The following MAP1LC3A variants were observed in gnomAD, a reference collection of about 807,000 sequenced individuals.
MAP1LC3A encodes microtubule-associated protein 1 light chain 3 alpha.
A neutral mutation model predicts 15.2 loss-of-function variants in MAP1LC3A; 10 were observed. The observed-to-expected ratio is 0.66, with a 90% CI of 0.41 to 1.12. The LOEUF (loss-of-function observed/expected upper bound fraction) is 1.12, where lower values mean the gene tolerates loss of function less well. Among genes scored for constraint, MAP1LC3A ranks in the 50% most tolerant of loss-of-function variants. MAP1LC3A has a pLI of 0.00. For missense variants in MAP1LC3A, 138 were observed against 167.3 expected, an observed-to-expected ratio of 0.82 and a Z score of 0.97; for synonymous variants, 63 against 64.3, an observed-to-expected ratio of 0.98 and a Z score of 0.10.
At position 34,560,072 on chromosome 20, in the gene MAP1LC3A, G is replaced by A. The variant is rs796100038; in HGVS notation, c.*174G>A. ...TCTGCCCCTGGGTGGATCCTGGGCC[G>A]GTCGTGTTAGGGTTGTCCCTCTGGG... On this transcript the variant is annotated 3_prime_UTR_variant, in exon 4 of 4. Transcript: ENST00000360668. 1.6e-6 allele frequency: 1 copy of A among 619,452 alleles called. No homozygotes were observed. Among genetic ancestry groups the A allele is most frequent in the Non-Finnish European group, 2.7e-6 (1 of 365,732 alleles). 38.4% of individuals were successfully genotyped at this position (619,452 alleles called of 1,614,324 possible). A position where few individuals can be genotyped will look rare whatever the true frequency, so the allele number is the denominator to read the frequency against.
chr20:34,558,760 G>T lies in MAP1LC3A; in HGVS notation c.-109G>T. ...CAGCCGCAGCCGCCGTGCTCAGCGC[G>T]AGCCCCGGAGCCCTTGAGCGCGAGG... On this transcript the variant is annotated 5_prime_UTR_variant, in exon 1 of 4. Transcript: ENST00000360668. This position sits in a 1 kb window ranked among gnomAD's most constrained non-coding sequence, Gnocchi z 4.3. The T allele has an allele frequency of 3.8e-6, 5 of 1,328,384 alleles. No homozygotes were observed. Among genetic ancestry groups the T allele is most frequent in the South Asian group, 2.0e-5 (1 of 49,312 alleles). 82.3% of individuals were successfully genotyped at this position (1,328,384 alleles called of 1,614,324 possible).
At chr20:34,551,467 C>CTTTTTTTTT (rs58191574) in intron 2 of MAP1LC3A, among the ~76,000 whole-genome samples, 2 of 104,812 alleles carry the variant, frequency 1.9e-5, no homozygotes, top group Admixed American at 1.2e-4. Context: ...GAACGCTGTC[C>CTTTTTTTTT]TTTTTTTTTT....
upstream of MAP1LC3A, among the ~76,000 whole-genome samples, chr20:34,554,949 C>G (rs1356990425): frequency 6.6e-6 from 1 of 151,088 alleles, no homozygotes; most frequent in Non-Finnish European, 1.5e-5. Flanking sequence ...CTCAAGTGAT[C>G]TGCCTGCCTT....
At chr20:34,553,229 A>C (rs1368996973) in intron 2 of MAP1LC3A, among the ~76,000 whole-genome samples, 2 of 152,150 alleles carry the variant, frequency 1.3e-5, no homozygotes, top group Non-Finnish European at 2.9e-5. Flanking sequence ...TTTTGGCCTG[A>C]AAAGGGGAGA....
intron 1 of MAP1LC3A, among the ~76,000 whole-genome samples, chr20:34,549,004 C>A (rs995703697): frequency 6.6e-6 from 1 of 151,732 alleles, no homozygotes; most frequent in Non-Finnish European, 1.5e-5. Flanking sequence ...CCATGCCCGG[C>A]CCCACTTTGC....
intron 2 of MAP1LC3A, chr20:34,550,143 G>A (rs566808817): frequency 8.1e-6 from 8 of 985,838 alleles, no homozygotes; most frequent in Middle Eastern, 2.8e-4. Flanking sequence ...GTGCCAGGCC[G>A]GCCAAGGCCA....
intron 2 of MAP1LC3A, among the ~76,000 whole-genome samples, chr20:34,550,469 T>A (rs781030420): frequency 1.3e-5 from 2 of 152,170 alleles, no homozygotes; most frequent in Non-Finnish European, 2.9e-5. Context: ...TGTGCCACAC[T>A]CTAAGTCCTG....
intron 2 of MAP1LC3A, among the ~76,000 whole-genome samples, chr20:34,551,835 T>C (rs867392802): frequency 6.6e-6 from 1 of 152,058 alleles, no homozygotes; most frequent in Non-Finnish European, 1.5e-5. Context: ...AAGAGTACAC[T>C]TGACACCTCT....
At chr20:34,552,768 C>T (rs945427249) in intron 2 of MAP1LC3A, among the ~76,000 whole-genome samples, 4 of 152,214 alleles carry the variant, frequency 2.6e-5, no homozygotes, top group East Asian at 1.9e-4. Flanking sequence ...GTGGCAGTGG[C>T]GGCCGTGGTG....
chr20:34,548,139 GGA>G (rs1432067422), intron 1 of MAP1LC3A, among the ~76,000 whole-genome samples: 1 of 152,174 alleles, frequency 6.6e-6, no homozygotes, highest in African/African-American at 2.4e-5. Flanking sequence ...GGATGAGAAG[GGA>G]GGGGGCGATT....
intron 2 of MAP1LC3A, among the ~76,000 whole-genome samples, chr20:34,553,617 C>T (rs1982029373): frequency 2.0e-5 from 3 of 152,230 alleles, no homozygotes; most frequent in African/African-American, 7.2e-5. Context: ...TGACACACAG[C>T]TCTGGATCAA....
At chr20:34,554,354 GTTTTTTTTTTTTTTTTTTTTTTTTT>G (rs537779341), upstream of MAP1LC3A, among the ~76,000 whole-genome samples, 6 of 106,164 alleles carry the variant, frequency 5.7e-5, no homozygotes, top group Admixed American at 1.2e-4. Context: ...TATACGTTGG[GTTTTTTTTTTTTTTTTTTTTTTTTT>G]TTTTTTTTTT....
intron 1 of MAP1LC3A, among the ~76,000 whole-genome samples, chr20:34,547,296 T>G (rs961884359): frequency 6.6e-6 from 1 of 151,840 alleles, no homozygotes; most frequent in Non-Finnish European, 1.5e-5. Context: ...TTGGGACTTT[T>G]GGAAGTAATT....
chr20:34,548,938 TCAGGTGATC>T (rs925616120), intron 1 of MAP1LC3A, among the ~76,000 whole-genome samples: 5 of 152,214 alleles, frequency 3.3e-5, no homozygotes, highest in Admixed American at 3.3e-4. Context: ...ACTCCTGACC[TCAGGTGATC>T]CACCCACCTC....
At chr20:34,559,317 C>G (rs1174689869) in intron 2 of MAP1LC3A, 30 bp from the exon 3 acceptor site, 1 of 1,570,892 alleles carries the variant, frequency 6.4e-7, no homozygotes, top group Non-Finnish European at 8.7e-7. Flanking sequence ...GTTCCCGACA[C>G]GACCCCCTGC....
upstream of MAP1LC3A, among the ~76,000 whole-genome samples, chr20:34,555,968 G>A (rs1228134111): frequency 3.3e-5 from 5 of 151,496 alleles, no homozygotes; most frequent in East Asian, 3.9e-4. Context: ...TCAGCCTCCC[G>A]AGTAGCTGGA....
At chr20:34,550,794 C>T (rs1981919201) in intron 2 of MAP1LC3A, among the ~76,000 whole-genome samples, 1 of 152,122 alleles carries the variant, frequency 6.6e-6, no homozygotes, top group Non-Finnish European at 1.5e-5. Context: ...AGAACATATC[C>T]CTTAAAGTAT....
chr20:34,553,195 G>A (rs6058077), intron 2 of MAP1LC3A, among the ~76,000 whole-genome samples: 125,039 of 152,116 alleles, frequency 0.82, 51,690 homozygotes, highest in Admixed American at 0.91. Context: ...TCTCAAAAAT[G>A]AAAAATAAAT....
chr20:34,553,955 G>A (rs959722453), upstream of MAP1LC3A, among the ~76,000 whole-genome samples: 1 of 152,122 alleles, frequency 6.6e-6, no homozygotes, highest in Non-Finnish European at 1.5e-5. Context: ...TTGTTTCCCT[G>A]GGCTCCTGGG....
Sources: gnomAD v4.1 joint callset for allele counts (sites outside exome capture counted in the v4.1 genomes callset) on GRCh38, gnomAD v4.1.1 for gene constraint, Gnocchi (gnomAD v3.1) non-coding constraint, MANE v1.5 for transcripts, NCBI Gene and HGNC (gene_info 2026-07-23, HGNC 2026-07-21) for gene names.